LINGO2: variants seen among roughly 807,000 people sequenced by gnomAD.
LINGO2 encodes the protein leucine rich repeat and Ig domain containing 2, also known as leucine-rich repeat and immunoglobulin-like domain-containing nogo receptor-interacting protein 2.
Under a neutral mutation model 30.6 loss-of-function variants are expected in LINGO2, and 14 were observed. The ratio of observed to expected loss-of-function variants is 0.46; its 90% CI spans 0.30 to 0.72. LINGO2 has a LOEUF of 0.72. Ranked by LOEUF, LINGO2 falls within the 30% of genes least tolerant of loss-of-function variation. The pLI, the probability that LINGO2 is intolerant of heterozygous loss-of-function variation, is 0.07. For synonymous variants in LINGO2, 317 were observed against 288.5 expected, an observed-to-expected ratio of 1.10 and a Z score of -1.00; for missense variants, 729 against 751.7, an observed-to-expected ratio of 0.97 and a Z score of 0.35.
chr9:28,117,705 C>T (rs537388210), intron 4 of LINGO2, among the ~76,000 whole-genome samples: 3 of 141,706 alleles, frequency 2.1e-5, no homozygotes, highest in South Asian at 4.9e-4. Flanking sequence ...TTCTTTGACT[C>T]GGAAAGGGAA....
intron 4 of LINGO2, among the ~76,000 whole-genome samples, chr9:28,035,767 T>C (rs1055057761): frequency 3.3e-5 from 5 of 151,838 alleles, no homozygotes; most frequent in African/African-American, 1.2e-4. Flanking sequence ...ATATGTTATG[T>C]ATTTTATGTA....
At chr9:28,514,295 A>G (rs1453866688) in intron 1 of LINGO2, among the ~76,000 whole-genome samples, 3 of 152,200 alleles carry the variant, frequency 2.0e-5, no homozygotes, top group Non-Finnish European at 2.9e-5. Context: ...AGAGTAGCCC[A>G]TCTCTTATTT....
At chr9:28,476,532 C>T (rs978738814) in intron 1 of LINGO2, among the ~76,000 whole-genome samples, 2 of 152,184 alleles carry the variant, frequency 1.3e-5, no homozygotes, top group South Asian at 2.1e-4. Context: ...GCCGCGGCCT[C>T]CCAAAGTGCT....
rs74665502 is a variant in LINGO2, at chr9:28,453,775, C to G, written c.-279+22165G>C. 6.5e-3 allele frequency among the ~76,000 whole-genome samples: 992 copies of G among 151,684 alleles called. 43 individuals carry two copies. In the East Asian group the frequency reaches 0.095, roughly 15 times the overall value. On this transcript the variant is annotated intron_variant, in intron 2 of 5. Transcript: ENST00000379992. ...TTTTGGAACTCCTCCTTGGCAACCA[C>G]CTTCAGGGCCCACAGCACATGACTC... is the stretch of plus-strand genomic sequence containing the variant.
At chr9:28,992,309 G>C in the LINGO2 span, among the ~76,000 whole-genome samples, 1 of 152,140 alleles carries the variant, frequency 6.6e-6, no homozygotes, top group Non-Finnish European at 1.5e-5. Context: ...ACAACAAGAA[G>C]AGCTAACTAT....
the LINGO2 span, among the ~76,000 whole-genome samples, chr9:28,809,143 T>C: frequency 6.6e-6 from 1 of 152,236 alleles, no homozygotes; most frequent in Non-Finnish European, 1.5e-5. Flanking sequence ...AAAAAGACGT[T>C]GGTCCATGGA....
At chr9:29,104,777 A>T in the LINGO2 span, among the ~76,000 whole-genome samples, 1 of 152,200 alleles carries the variant, frequency 6.6e-6, no homozygotes, top group African/African-American at 2.4e-5. Context: ...CTATCATATG[A>T]AATCTATAAT....
chr9:28,170,822 T>C (rs1263494054), intron 4 of LINGO2, among the ~76,000 whole-genome samples: 1 of 152,196 alleles, frequency 6.6e-6, no homozygotes, highest in East Asian at 1.9e-4. Context: ...CTCTCTTCCC[T>C]TTACTAACAC....
Position 28,198,402 on chromosome 9 carries a change from T to C in LINGO2, c.-87+96806A>G, listed in dbSNP as rs78975685. Among the ~76,000 whole-genome samples, 837 of 152,280 alleles carry C rather than the reference T, an allele frequency of 5.5e-3. 10 individuals are homozygous for C. Among genetic ancestry groups the C allele is most frequent in the African/African-American group, 0.019 (779 of 41,578 alleles). On this transcript the variant is annotated intron_variant, in intron 4 of 5. Transcript: ENST00000379992. ...GATAAATATACTGTATAGGAAACTG[T>C]AGCAAGAGTTTGTGTCAAGGGAGAA... is the stretch of plus-strand genomic sequence containing the variant.
intron 4 of LINGO2, among the ~76,000 whole-genome samples, chr9:28,127,170 A>C (rs1827259831): frequency 6.6e-6 from 1 of 152,140 alleles, no homozygotes. Context: ...TTTCATCTAG[A>C]AGTAGAAACG....
At chr9:29,127,578 A>C in the LINGO2 span, among the ~76,000 whole-genome samples, 1 of 152,040 alleles carries the variant, frequency 6.6e-6, no homozygotes, top group East Asian at 1.9e-4. Context: ...GAAGCACCTG[A>C]CCATCATCAT....
the LINGO2 span, among the ~76,000 whole-genome samples, chr9:29,041,289 C>T: frequency 6.6e-6 from 1 of 151,864 alleles, no homozygotes; most frequent in Non-Finnish European, 1.5e-5. Flanking sequence ...TTAATTTCTA[C>T]CAAAATTCAA....
intron 1 of LINGO2, among the ~76,000 whole-genome samples, chr9:28,557,575 G>A (rs1277930144): frequency 1.3e-5 from 2 of 151,958 alleles, no homozygotes; most frequent in African/African-American, 4.8e-5. Flanking sequence ...CAACCATTGT[G>A]GAAGTCAGTG....
intron 2 of LINGO2, among the ~76,000 whole-genome samples, chr9:28,446,291 A>G (rs1824423177): frequency 6.6e-6 from 1 of 152,172 alleles, no homozygotes; most frequent in South Asian, 2.1e-4. Flanking sequence ...TGAATTGCAC[A>G]TGTCTCTCCA....
chr9:28,357,680 C>T (rs925920259), intron 3 of LINGO2, among the ~76,000 whole-genome samples: 2 of 152,036 alleles, frequency 1.3e-5, no homozygotes, highest in African/African-American at 2.4e-5. Context: ...GATATTTCAA[C>T]TAATAATGAG....
intron 4 of LINGO2, among the ~76,000 whole-genome samples, chr9:28,219,931 C>G (rs1820898351): frequency 6.6e-6 from 1 of 152,142 alleles, no homozygotes; most frequent in Admixed American, 6.5e-5. Flanking sequence ...AGCTACAGAT[C>G]ATATTTTTAA....
At chr9:28,918,207 C>T in the LINGO2 span, among the ~76,000 whole-genome samples, 6 of 151,992 alleles carry the variant, frequency 3.9e-5, no homozygotes, top group Non-Finnish European at 7.4e-5. Context: ...TACATGGTGG[C>T]GGCAAGAGAA....
the LINGO2 span, among the ~76,000 whole-genome samples, chr9:29,072,611 T>TTATA: frequency 1.4e-5 from 2 of 140,282 alleles, no homozygotes; most frequent in African/African-American, 2.6e-5. Flanking sequence ...TGTCTCTCTT[T>TTATA]GATATATATA....
chr9:28,642,787 A>C (rs1827657482), intron 1 of LINGO2, among the ~76,000 whole-genome samples: 1 of 152,120 alleles, frequency 6.6e-6, no homozygotes, highest in African/African-American at 2.4e-5. Flanking sequence ...TTATCTTTCA[A>C]CTACAGAACA....
Sources: gnomAD v4.1 joint callset for allele counts (sites outside exome capture counted in the v4.1 genomes callset) on GRCh38, gnomAD v4.1.1 for gene constraint, MANE v1.5 for transcripts, NCBI Gene and HGNC (gene_info 2026-07-23, HGNC 2026-07-21) for gene names.